AKAP6: variants seen among roughly 807,000 people sequenced by gnomAD.
AKAP6 encodes the protein A-kinase anchor protein 6.
In AKAP6, 58 loss-of-function variants were observed where a neutral mutation model predicts 188.5. The ratio of observed to expected loss-of-function variants is 0.31; its 90% CI spans 0.25 to 0.38. The LOEUF (loss-of-function observed/expected upper bound fraction) is 0.38, where lower values mean the gene tolerates loss of function less well. AKAP6 is among the 10% of genes least tolerant of loss of function. AKAP6 has a pLI of 1.00. For synonymous variants in AKAP6, 989 were observed against 998.6 expected, an observed-to-expected ratio of 0.99 and a Z score of 0.18; for missense variants, 2,710 against 2,740.0, an observed-to-expected ratio of 0.99 and a Z score of 0.24.
intron 2 of AKAP6, among the ~76,000 whole-genome samples, chr14:32,521,741 T>C (rs945205658): frequency 6.6e-6 from 1 of 152,142 alleles, no homozygotes; most frequent in Non-Finnish European, 1.5e-5. Flanking sequence ...AGAATCAATA[T>C]CCTGAAAATG....
At chr14:32,375,415 G>T (rs933608739) in intron 1 of AKAP6, among the ~76,000 whole-genome samples, 9 of 151,592 alleles carry the variant, frequency 5.9e-5, no homozygotes, top group Non-Finnish European at 1.2e-4. Flanking sequence ...GAATTTTAGA[G>T]AAATATCAGG....
At chr14:32,462,916 A>AAAAAAAAAAACAAAAC (rs1555330714) in intron 2 of AKAP6, among the ~76,000 whole-genome samples, 1 of 93,778 alleles carries the variant, frequency 1.1e-5, no homozygotes, top group East Asian at 2.7e-4. Flanking sequence ...AAAAAAAAAA[A>AAAAAAAAAAACAAAAC]AAAAAAAAAA....
At chr14:32,488,576 T>C (rs1879826833) in intron 2 of AKAP6, among the ~76,000 whole-genome samples, 1 of 152,100 alleles carries the variant, frequency 6.6e-6, no homozygotes, top group Non-Finnish European at 1.5e-5. Context: ...ACCACTGGGA[T>C]ATGAAAAGAA....
chr14:32,819,636 C>A (rs183175799), intron 12 of AKAP6, among the ~76,000 whole-genome samples: 1 of 152,032 alleles, frequency 6.6e-6, no homozygotes, highest in Non-Finnish European at 1.5e-5. Context: ...CACACTAGAG[C>A]GATTCTGCAT....
At chr14:32,758,919 G>A (rs981052680) in intron 11 of AKAP6, among the ~76,000 whole-genome samples, 1 of 152,122 alleles carries the variant, frequency 6.6e-6, no homozygotes, top group Non-Finnish European at 1.5e-5. Context: ...ACAGTTTCTC[G>A]TTCCCAGGGG....
chr14:32,592,005 T>A (rs1439945688), intron 5 of AKAP6, among the ~76,000 whole-genome samples: 2 of 152,232 alleles, frequency 1.3e-5, no homozygotes. Flanking sequence ...CAAGTAATTT[T>A]GTAAGTGAAG....
chr14:32,341,166 T>G (rs1424820387), intron 1 of AKAP6, among the ~76,000 whole-genome samples: 1 of 152,246 alleles, frequency 6.6e-6, no homozygotes, highest in Non-Finnish European at 1.5e-5. Context: ...AGTTTCCTTA[T>G]CTTGCAAATT....
At chr14:32,467,024 A>G (rs1398025907) in intron 2 of AKAP6, among the ~76,000 whole-genome samples, 2 of 151,354 alleles carry the variant, frequency 1.3e-5, no homozygotes, top group Admixed American at 1.3e-4. Flanking sequence ...ACAGATGAAA[A>G]CAATAGACAC....
At chr14:32,782,197 G>GGGAA (rs2033274584) in intron 12 of AKAP6, among the ~76,000 whole-genome samples, 1 of 145,228 alleles carries the variant, frequency 6.9e-6, no homozygotes, top group South Asian at 2.4e-4. Context: ...GAGGGAGGGA[G>GGGAA]GGAGGGAGGG....
intron 11 of AKAP6, among the ~76,000 whole-genome samples, chr14:32,750,731 AATTTTGTTTTTTTT>A (rs2032092739): frequency 1.1e-5 from 1 of 93,572 alleles, no homozygotes; most frequent in Admixed American, 1.4e-4. Context: ...TCACTAAATT[AATTTTGTTTTTTTT>A]TTTTTGTTTT....
chr14:32,683,204 G>C (rs980894756), intron 8 of AKAP6, among the ~76,000 whole-genome samples: 2 of 152,002 alleles, frequency 1.3e-5, no homozygotes, highest in African/African-American at 4.8e-5. Context: ...ATGTTGCCCA[G>C]GTTAGTCTCG....
At chr14:32,528,239 G>T (rs1397459656) in intron 2 of AKAP6, among the ~76,000 whole-genome samples, 2 of 151,818 alleles carry the variant, frequency 1.3e-5, no homozygotes, top group East Asian at 3.9e-4. Flanking sequence ...TGTTGCCTTT[G>T]CTCCTTTGTC....
At chr14:32,415,949 G>A (rs1889643647) in intron 1 of AKAP6, among the ~76,000 whole-genome samples, 1 of 152,124 alleles carries the variant, frequency 6.6e-6, no homozygotes, top group Non-Finnish European at 1.5e-5. Context: ...ATCTGTTGAT[G>A]GATACTTGGG....
intron 2 of AKAP6, among the ~76,000 whole-genome samples, chr14:32,460,126 T>C (rs1161300347): frequency 6.6e-6 from 1 of 152,084 alleles, no homozygotes. Flanking sequence ...TCCAGGAGAA[T>C]TGGACAGAGA....
At chr14:32,804,236 G>A (rs1242203178) in intron 12 of AKAP6, among the ~76,000 whole-genome samples, 1 of 152,064 alleles carries the variant, frequency 6.6e-6, no homozygotes, top group Non-Finnish European at 1.5e-5. Flanking sequence ...CCCACTTCCA[G>A]CTGTTCTCTA....
chr14:32,714,501 G>T (rs1376455356), intron 9 of AKAP6, among the ~76,000 whole-genome samples: 1 of 151,808 alleles, frequency 6.6e-6, no homozygotes, highest in Non-Finnish European at 1.5e-5. Context: ...GTTCATTTCA[G>T]ACCATAAAAA....
Position 32,466,827 on chromosome 14 carries a change from T to TTATA in AKAP6, c.324+33026_324+33029dup, listed in dbSNP as rs776142584. Among the ~76,000 whole-genome samples the TTATA allele has an allele frequency of 3.0e-3, 348 of 115,086 alleles. 18 individuals carry two copies. Among genetic ancestry groups the TTATA allele is most frequent in the African/African-American group, 0.015 (311 of 20,186 alleles). 75.5% of individuals were successfully genotyped at this position (115,086 alleles called of 152,430 possible). On this transcript the variant is annotated intron_variant, in intron 2 of 13. Transcript: ENST00000280979. ...CAAAATATAAGCTGTAAAAACAAGA[T>TTATA]TATATATATATATATATATTTTCTT...
intron 2 of AKAP6, among the ~76,000 whole-genome samples, chr14:32,456,846 G>C (rs117076410): frequency 3.8e-3 from 579 of 152,222 alleles, no homozygotes; most frequent in Non-Finnish European, 6.4e-3. Flanking sequence ...TTACCCAAGA[G>C]GAGGGAATTA....
chr14:32,600,800 G>T lies in AKAP6; in HGVS notation c.2730+8G>T. 6.3e-7 allele frequency: 1 copy of T among 1,590,404 alleles called. No individual in the cohort carries two copies. The highest frequency in any genetic ancestry group is 8.6e-7 in the Non-Finnish European group (1 of 1,168,616). ...GGGACTGGAAGCCCCAAGGTAAGTG[G>T]CTTGAAGTTTGCCTTATTTCCTCTT... On this transcript the variant is annotated splice_region_variant and intron_variant, in intron 7 of 13. Transcript: ENST00000280979.
Sources: allele counts gnomAD v4.1 joint callset (sites outside exome capture counted in the v4.1 genomes callset), GRCh38; gene constraint gnomAD v4.1.1; transcripts MANE v1.5; gene names NCBI Gene and HGNC (gene_info 2026-07-23, HGNC 2026-07-21).